NPSR1: variants seen among roughly 807,000 people sequenced by gnomAD.
NPSR1 encodes neuropeptide S receptor.
In NPSR1, 48 loss-of-function variants were observed where a neutral mutation model predicts 46.9. The observed-to-expected ratio is 1.02, with a 90% CI of 0.81 to 1.30. NPSR1 has a LOEUF of 1.30. Ranked by LOEUF, NPSR1 falls within the 50% of genes most tolerant of loss-of-function variation. NPSR1 has a pLI of 0.00. For synonymous variants in NPSR1, 176 were observed against 168.1 expected (o/e 1.05, Z -0.36); for missense variants, 450 against 449.5 (o/e 1.00, Z -0.01).
At chr7:34,841,128 A>G (rs1186013475) in intron 6 of NPSR1, among the ~76,000 whole-genome samples, 2 of 152,244 alleles carry the variant, frequency 1.3e-5, no homozygotes, top group East Asian at 3.8e-4. Context: ...CTAATATAGG[A>G]AGCATATTTA....
intron 8 of NPSR1, among the ~76,000 whole-genome samples, chr7:34,866,884 G>A (rs1005061612): frequency 5.3e-5 from 8 of 151,704 alleles, no homozygotes; most frequent in African/African-American, 1.7e-4. Context: ...CACATGGGAG[G>A]TCTTCAAGGA....
At position 34,739,287 on chromosome 7, in the gene NPSR1, CTA is replaced by C. The variant is rs1186700866; in HGVS notation, c.281-39173_281-39172del. Among the ~76,000 whole-genome samples, 6 of 152,280 alleles carry C rather than the reference CTA, an allele frequency of 3.9e-5. No homozygotes were observed. In the East Asian group the frequency reaches 1.2e-3, roughly 29 times the overall value. On this transcript the variant is annotated intron_variant, in intron 2 of 8. Coordinates refer to ENST00000360581, the MANE Select transcript of NPSR1 (RefSeq NM_207172.2). ...AAAATTGCTGGGTCATATGATAATT[CTA>C]TGTTTAACTTTTTAAGTAAATACAA... is the stretch of plus-strand genomic sequence containing the variant.
intron 3 of NPSR1, among the ~76,000 whole-genome samples, chr7:34,802,113 T>A (rs917897245): frequency 6.7e-6 from 1 of 150,188 alleles, no homozygotes. Context: ...GTAGGAAGAA[T>A]CAATATCGTG....
At chr7:34,804,633 C>G (rs896673212) in intron 3 of NPSR1, among the ~76,000 whole-genome samples, 4 of 151,870 alleles carry the variant, frequency 2.6e-5, no homozygotes, top group Admixed American at 1.3e-4. Context: ...GATGTCCTCT[C>G]TCGCCACTCC....
At chr7:34,668,371 TTTTCCAATGTATTTAGTCCC>T (rs1219443885) in intron 1 of NPSR1, among the ~76,000 whole-genome samples, 4 of 152,238 alleles carry the variant, frequency 2.6e-5, no homozygotes, top group Admixed American at 2.6e-4. Flanking sequence ...CATTTATTCC[TTTTCCAATGTATTTAGTCCC>T]TTTTCAGGAT....
At chr7:34,751,968 G>C (rs1022576660) in intron 2 of NPSR1, 22 of 1,022,170 alleles carry the variant, frequency 2.2e-5, no homozygotes, top group Non-Finnish European at 3.2e-5. Context: ...TTTGCCCAGA[G>C]AAGTCTTTCT....
intron 8 of NPSR1, chr7:34,849,183 C>A: frequency 3.1e-6 from 2 of 645,342 alleles, no homozygotes; most frequent in Non-Finnish European, 5.5e-6. Context: ...ATAGGAGATA[C>A]AAGAGGAGAA....
At chr7:34,860,465 T>A (rs1791162924) in intron 8 of NPSR1, among the ~76,000 whole-genome samples, 1 of 149,886 alleles carries the variant, frequency 6.7e-6, no homozygotes, top group African/African-American at 2.4e-5. Context: ...CATAAATATC[T>A]TTTGTATGAA....
intron 2 of NPSR1, among the ~76,000 whole-genome samples, chr7:34,774,924 A>C (rs1786878220): frequency 6.6e-6 from 1 of 152,148 alleles, no homozygotes; most frequent in Non-Finnish European, 1.5e-5. Flanking sequence ...TGCTCTATTT[A>C]TTGAGATTGA....
intron 2 of NPSR1, among the ~76,000 whole-genome samples, chr7:34,707,564 C>T (rs575178383): frequency 7.2e-5 from 11 of 152,358 alleles, no homozygotes; most frequent in Admixed American, 1.3e-4. Flanking sequence ...GTATTAACCA[C>T]TTACTATGGC....
intron 2 of NPSR1, among the ~76,000 whole-genome samples, chr7:34,715,862 T>G (rs910985820): frequency 4.6e-5 from 7 of 152,166 alleles, no homozygotes; most frequent in Non-Finnish European, 1.0e-4. Flanking sequence ...GGGTGGTGAA[T>G]AGCACCTGGG....
intron 5 of NPSR1, among the ~76,000 whole-genome samples, chr7:34,832,704 C>A (rs1478814460): frequency 1.3e-5 from 2 of 152,160 alleles, no homozygotes; most frequent in Non-Finnish European, 2.9e-5. Flanking sequence ...AGGCCCAAAT[C>A]CCTAAAGCAT....
chr7:34,743,494 G>A lies in NPSR1; in HGVS notation c.281-34968G>A, dbSNP rs377094892. 1.3e-4 allele frequency among the ~76,000 whole-genome samples: 19 copies of A among 151,348 alleles called. No individual in the cohort carries two copies. The South Asian group carries it at 3.8e-3, about 30-fold the overall frequency. On this transcript the variant is annotated intron_variant, in intron 2 of 8. Transcript: ENST00000360581. ...CTCACTCTGTCACCCAGGCTGGCGTGCAGTGGCATGATCTTGGCGCACTGC... is the reference window on the plus strand; with the variant it reads ...CTCACTCTGTCACCCAGGCTGGCGTACAGTGGCATGATCTTGGCGCACTGC...
At chr7:34,795,104 G>A (rs1446820765) in intron 3 of NPSR1, among the ~76,000 whole-genome samples, 2 of 152,058 alleles carry the variant, frequency 1.3e-5, no homozygotes, top group East Asian at 1.9e-4. Context: ...AGTAAGACTG[G>A]TTCAACACTG....
chr7:34,825,832 G>A (rs572280196), intron 4 of NPSR1, among the ~76,000 whole-genome samples: 50 of 152,240 alleles, frequency 3.3e-4, no homozygotes, highest in African/African-American at 1.1e-3. Flanking sequence ...CAGCTCCAGA[G>A]AGACCCCAAT....
At chr7:34,734,754 G>A (rs1401762956) in intron 2 of NPSR1, among the ~76,000 whole-genome samples, 3 of 152,174 alleles carry the variant, frequency 2.0e-5, no homozygotes, top group East Asian at 3.9e-4. Flanking sequence ...GAGATGGAGC[G>A]AGTGTCCTCA....
At chr7:34,791,023 TTA>T (rs372981788) in intron 3 of NPSR1, among the ~76,000 whole-genome samples, 1,892 of 105,678 alleles carry the variant, frequency 0.018, 143 homozygotes, top group South Asian at 0.025. Context: ...ATTATATATG[TTA>T]TATGTTATAT....
At chr7:34,750,138 T>G (rs1006393351) in intron 2 of NPSR1, 54 of 309,906 alleles carry the variant, frequency 1.7e-4, no homozygotes, top group Non-Finnish European at 2.3e-4. Flanking sequence ...ATTTTTTTTT[T>G]TTTTCAAAAA....
At chr7:34,665,701 C>G (rs184823683) in intron 1 of NPSR1, among the ~76,000 whole-genome samples, 38 of 152,296 alleles carry the variant, frequency 2.5e-4, no homozygotes, top group South Asian at 8.3e-4. Flanking sequence ...GTTCAGTAGT[C>G]CAGCATCATC....
Sources: allele counts gnomAD v4.1 joint callset (sites outside exome capture counted in the v4.1 genomes callset), GRCh38; gene constraint gnomAD v4.1.1; transcripts MANE v1.5; gene names NCBI Gene and HGNC (gene_info 2026-07-23, HGNC 2026-07-21).